Variants in TRIO observed in about 807,000 individuals in gnomAD.
The protein encoded by TRIO is trio Rho guanine nucleotide exchange factor, also known as triple functional domain protein.
TRIO carries 58 observed loss-of-function variants against 351.9 expected under a neutral mutation model. That is an observed-to-expected ratio of 0.16 (90% CI 0.13 to 0.21). The LOEUF is 0.21. Among genes scored for constraint, TRIO ranks in the 10% least tolerant of loss-of-function variants. The pLI is 1.00. For missense variants in TRIO, 3,201 were observed against 4,027.8 expected, an observed-to-expected ratio of 0.79 and a Z score of 5.56; for synonymous variants, 1,758 against 1,595.7, an observed-to-expected ratio of 1.10 and a Z score of -2.42.
chr5:14,245,243 G>T, intron 1 of TRIO, among the ~76,000 whole-genome samples: 1 of 152,198 alleles, frequency 6.6e-6, no homozygotes, highest in East Asian at 1.9e-4. Context: ...CTTTGCACCT[G>T]TTGAAAATGC....
chr5:14,211,590 G>GTTTTT (rs33992664), intron 1 of TRIO, among the ~76,000 whole-genome samples: 31 of 119,992 alleles, frequency 2.6e-4, no homozygotes, highest in African/African-American at 5.4e-4. Context: ...ACACTCAGTT[G>GTTTTT]TTTTTTTTTT....
Position 14,488,221 on chromosome 5 carries a change from G to T in TRIO, c.7593G>T (p.Ser2531=). The T allele has an allele frequency of 1.3e-6, 2 of 1,589,842 alleles. No individual in the cohort carries two copies. Among genetic ancestry groups the T allele is most frequent in the Non-Finnish European group, 1.7e-6 (2 of 1,175,318 alleles). The change falls in exon 48 of 57, where the codon TCG becomes TCT. Residue 2531 remains serine (S), a synonymous_variant. Coordinates refer to ENST00000344204, the MANE Select transcript of TRIO (RefSeq NM_007118.4). ...KDTDRMSTCS[S]ASEQSVQSTQ... is the part of the protein sequence containing the mutation. Reference sequence around the variant, plus strand: ...CTGACCGCATGAGCACGTGCTCCTCGGCCAGCGAGCAGTCCGTGCAGTCCA... The same window carrying T: ...CTGACCGCATGAGCACGTGCTCCTCTGCCAGCGAGCAGTCCGTGCAGTCCA...
chr5:14,398,781 G>T (rs1747826497), intron 29 of TRIO, 99 bp from the exon 30 acceptor site: 1 of 1,190,908 alleles, frequency 8.4e-7, no homozygotes, highest in African/African-American at 1.7e-5. Context: ...TTGGCCGATG[G>T]GCATTTTTAA....
At position 14,391,126 on chromosome 5, in the gene TRIO, A is replaced by G. The variant is rs755162173; in HGVS notation, c.4218+136A>G. On this transcript the variant is annotated intron_variant, in intron 27 of 56. Transcript: ENST00000344204. ...ATCATTTTTGTCTATCATTTTGTCT[A>G]TCATGTCTATTGGGCTATTCTTCTA... 2.8e-4 allele frequency: 179 copies of G among 648,402 alleles called. 2 individuals are homozygous for G. The highest frequency in any genetic ancestry group is 1.5e-3 in the Middle Eastern group (4 of 2,658). The allele number at this position is 648,402 out of a possible 1,614,324, so 40.2% of individuals were successfully genotyped here. A position where few individuals can be genotyped will look rare whatever the true frequency, so the allele number is the denominator to read the frequency against.
intron 34 of TRIO, among the ~76,000 whole-genome samples, chr5:14,438,785 G>A (rs1418418615): frequency 6.6e-6 from 1 of 152,188 alleles, no homozygotes; most frequent in Admixed American, 6.5e-5. Context: ...CCGCATTTCC[G>A]CTGGTTCCGC....
At position 14,185,157 on chromosome 5, in the gene TRIO, C is replaced by T. The variant is rs533210741; in HGVS notation, c.157+41275C>T. Among the ~76,000 whole-genome samples, 209 of 147,100 alleles carry T rather than the reference C, an allele frequency of 1.4e-3. 1 individual carries two copies. The highest frequency in any genetic ancestry group is 5.1e-3 in the African/African-American group (205 of 40,160). Reference sequence around the variant, plus strand: ...CCCCATAAAATTCGCCCCCCTTCCCCGCCCCCCACCACCATTCTCTCTCTC... The same window carrying T: ...CCCCATAAAATTCGCCCCCCTTCCCTGCCCCCCACCACCATTCTCTCTCTC... On this transcript the variant is annotated intron_variant, in intron 1 of 56. Coordinates refer to ENST00000344204, the MANE Select transcript of TRIO (RefSeq NM_007118.4).
At chr5:14,256,689 A>C (rs577838301) in intron 1 of TRIO, among the ~76,000 whole-genome samples, 2 of 152,346 alleles carry the variant, frequency 1.3e-5, no homozygotes, top group Admixed American at 1.3e-4. Context: ...TAAAGTGAGT[A>C]ATTGAATATT....
intron 46 of TRIO, among the ~76,000 whole-genome samples, chr5:14,483,572 G>T (rs1561542654): frequency 6.6e-6 from 1 of 152,192 alleles, no homozygotes; most frequent in Non-Finnish European, 1.5e-5. Context: ...TCTCCGTTCA[G>T]GCTTTTGTTG....
Position 14,399,081 on chromosome 5 carries a change from G to T in TRIO, c.4614+11G>T. The stretch of plus-strand genomic sequence containing the variant: ...AAAAGCAAATTGTTTGTAAGTATAG[G>T]CGTTCAGAATTGTAAGTCTAAAGGT... On this transcript the variant is annotated intron_variant, in intron 30 of 56. Transcript: ENST00000344204. The T allele has an allele frequency of 6.2e-7, 1 of 1,611,778 alleles. No individual in the cohort carries two copies.
At position 14,318,771 on chromosome 5, in the gene TRIO, A is replaced by G. The variant is rs529066150; in HGVS notation, c.1731+2028A>G. ...TCCAAAAACTTCTACAAACCATGAA[A>G]TGTTGGAGTTTAAATCTAATTGTTG... On this transcript the variant is annotated intron_variant, in intron 9 of 56. Transcript: ENST00000344204. Among the ~76,000 whole-genome samples, 7 of 152,348 alleles carry G rather than the reference A, an allele frequency of 4.6e-5. No individual in the cohort carries two copies. The South Asian group carries it at 1.4e-3, about 32-fold the overall frequency.
intron 18 of TRIO, among the ~76,000 whole-genome samples, chr5:14,372,214 G>T (rs796718462): frequency 7.1e-6 from 1 of 140,710 alleles, no homozygotes; most frequent in African/African-American, 2.6e-5. Flanking sequence ...GAAAGGCGGA[G>T]GGGGGGCGAT....
At chr5:14,381,719 G>T (rs567668578) in intron 21 of TRIO, among the ~76,000 whole-genome samples, 1 of 152,314 alleles carries the variant, frequency 6.6e-6, no homozygotes, top group South Asian at 2.1e-4. Flanking sequence ...GTCTGCAGTT[G>T]TCTGTGTTTT....
intron 11 of TRIO, among the ~76,000 whole-genome samples, chr5:14,345,688 G>A (rs556361533): frequency 6.6e-6 from 1 of 152,258 alleles, no homozygotes; most frequent in East Asian, 1.9e-4. Context: ...AGCCTCCCAA[G>A]TAGCTGGGAT....
At chr5:14,400,811 C>T in intron 30 of TRIO, 152 bp from the exon 31 acceptor site, 1 of 644,300 alleles carries the variant, frequency 1.6e-6, no homozygotes, top group Non-Finnish European at 2.6e-6. Flanking sequence ...ACACAATGTC[C>T]TCATTATAAC....
intron 15 of TRIO, 93 bp from the exon 16 acceptor site, chr5:14,366,767 T>G (rs1744631221): frequency 7.8e-6 from 12 of 1,541,214 alleles, no homozygotes; most frequent in Non-Finnish European, 1.1e-5. Flanking sequence ...CAGGAGCAAC[T>G]GGACTATCTT....
intron 34 of TRIO, among the ~76,000 whole-genome samples, chr5:14,436,632 A>G (rs771543628): frequency 6.6e-6 from 1 of 152,242 alleles, no homozygotes; most frequent in Non-Finnish European, 1.5e-5. Flanking sequence ...CTTCCTAGAT[A>G]CGATGGGGGT....
chr5:14,489,913 A>G (rs1756357409), intron 48 of TRIO, among the ~76,000 whole-genome samples: 1 of 152,192 alleles, frequency 6.6e-6, no homozygotes, highest in Non-Finnish European at 1.5e-5. Context: ...AGGATTTCAG[A>G]CAAGTCAAGA....
chr5:14,439,544 A>G (rs114559436), intron 34 of TRIO, among the ~76,000 whole-genome samples: 2,477 of 152,336 alleles, frequency 0.016, 55 homozygotes, highest in African/African-American at 0.057. Flanking sequence ...TAACGGTTGT[A>G]GTAACTGAAA....
At chr5:14,165,024 G>A (rs1016627538) in intron 1 of TRIO, among the ~76,000 whole-genome samples, 4 of 152,190 alleles carry the variant, frequency 2.6e-5, no homozygotes, top group African/African-American at 4.8e-5. Context: ...TCTCAACAAA[G>A]GAAGGAAGGG....
Sources: allele counts gnomAD v4.1 joint callset (sites outside exome capture counted in the v4.1 genomes callset), GRCh38; gene constraint gnomAD v4.1.1; transcripts MANE v1.5; gene names NCBI Gene and HGNC (gene_info 2026-07-23, HGNC 2026-07-21).